The following CPLX2 variants were observed in gnomAD, a reference collection of about 807,000 sequenced individuals.
The protein encoded by CPLX2 is complexin 2, also known as complexin-2.
Under a neutral mutation model 16.3 loss-of-function variants are expected in CPLX2, and 5 were observed. The observed-to-expected ratio is 0.31, with a 90% CI of 0.16 to 0.64. The LOEUF (loss-of-function observed/expected upper bound fraction) is 0.64. Among genes scored for constraint, CPLX2 ranks in the 30% least tolerant of loss-of-function variants. The pLI is 0.79. For synonymous variants in CPLX2, 89 were observed against 73.2 expected (o/e 1.22, Z -1.10); for missense variants, 144 against 181.4 (o/e 0.79, Z 1.18).
Position 175,881,207 on chromosome 5 carries a change from T to C in CPLX2, c.*1162T>C, listed in dbSNP as rs1279448977. ...GGAAACTGTATCCATGCATGCATGA[T>C]AATGCGTGGCAGAGACTGCAACAGG... On this transcript the variant is annotated 3_prime_UTR_variant, in exon 4 of 4. Transcript: ENST00000393745. The C allele has an allele frequency of 2.0e-5, 3 of 153,388 alleles. No individual in the cohort carries two copies. The highest frequency in any genetic ancestry group is 1.9e-4 in the East Asian group (1 of 5,182). The allele number at this position is 153,388 out of a possible 1,614,324, so 9.5% of individuals were successfully genotyped here. A position where few individuals can be genotyped will look rare whatever the true frequency, so the allele number is the denominator to read the frequency against.
At chr5:175,826,183 G>A (rs1221111471) in intron 2 of CPLX2, among the ~76,000 whole-genome samples, 4 of 152,088 alleles carry the variant, frequency 2.6e-5, no homozygotes, top group Non-Finnish European at 5.9e-5. Context: ...GACTGAGTGG[G>A]TAGGATAGTA....
chr5:175,872,844 A>G lies in CPLX2; in HGVS notation c.-89+1139A>G, dbSNP rs1361477559. 1.3e-5 allele frequency: 2 copies of G among 152,328 alleles called. No homozygotes were observed. Among genetic ancestry groups the G allele is most frequent in the Non-Finnish European group, 2.9e-5 (2 of 68,136 alleles). 9.4% of individuals were successfully genotyped at this position (152,328 alleles called of 1,614,324 possible). On this transcript the variant is annotated intron_variant, in intron 1 of 3. Coordinates refer to ENST00000393745, the MANE Select transcript of CPLX2 (RefSeq NM_001008220.2). This position sits in a 1 kb window ranked among gnomAD's most constrained non-coding sequence, Gnocchi z 5.0. The stretch of plus-strand genomic sequence containing the variant: ...TCATAAAAACAGAAAAACGGCCATA[A>G]GGACAACCACTGCAGGTTACCCGAG...
At chr5:175,875,289 G>A (rs549781758) in intron 1 of CPLX2, among the ~76,000 whole-genome samples, 21 of 152,168 alleles carry the variant, frequency 1.4e-4, no homozygotes, top group Non-Finnish European at 2.6e-4. Context: ...GATGGAAGAT[G>A]TGAGGAAGAG....
At chr5:175,879,423 G>A (rs1165866248) in intron 3 of CPLX2, among the ~76,000 whole-genome samples, 1 of 152,200 alleles carries the variant, frequency 6.6e-6, no homozygotes, top group Non-Finnish European at 1.5e-5. Context: ...TGTGCTGTCA[G>A]CTGTCACTCC....
chr5:175,810,301 GA>G (rs1758288939), intron 2 of CPLX2, among the ~76,000 whole-genome samples: 1 of 108,382 alleles, frequency 9.2e-6, no homozygotes, highest in Non-Finnish European at 2.4e-5. Context: ...GTGTCACACA[GA>G]GAGTCGGGGA....
At chr5:175,879,712 CCCCA>C in intron 3 of CPLX2, 132 bp from the exon 4 acceptor site, 1 of 797,768 alleles carries the variant, frequency 1.3e-6, no homozygotes, top group Non-Finnish European at 2.2e-6. Flanking sequence ...ACACCCTTAT[CCCCA>C]CTTTACTAAT....
At chr5:175,863,895 G>A (rs1759415424) in intron 2 of CPLX2, among the ~76,000 whole-genome samples, 1 of 152,162 alleles carries the variant, frequency 6.6e-6, no homozygotes, top group African/African-American at 2.4e-5. Context: ...GTAAAAAGAA[G>A]AAGAACCATC....
At position 175,880,341 on chromosome 5, in the gene CPLX2, CAT is replaced by C; in HGVS notation, c.*297_*298del. On this transcript the variant is annotated 3_prime_UTR_variant, in exon 4 of 4. Transcript: ENST00000393745. ...TCGTGCTAGTGTGGTGACCCCCATA[CAT>C]TCCTCCCTGCTCCCCACTGCCAGGA... 2.2e-6 allele frequency: 1 copy of C among 458,750 alleles called. No individual in the cohort carries two copies. The highest frequency in any genetic ancestry group is 4.1e-6 in the Non-Finnish European group (1 of 246,574). The allele number at this position is 458,750 out of a possible 1,614,324, so 28.4% of individuals were successfully genotyped here.
chr5:175,846,638 G>A (rs1051897317), intron 2 of CPLX2, among the ~76,000 whole-genome samples: 4 of 152,132 alleles, frequency 2.6e-5, no homozygotes, highest in Non-Finnish European at 5.9e-5. Context: ...CAAGTTGTCC[G>A]AGCTAGCAGG....
At chr5:175,805,883 C>T (rs1419113656) in intron 1 of CPLX2, among the ~76,000 whole-genome samples, 1 of 152,192 alleles carries the variant, frequency 6.6e-6, no homozygotes, top group Admixed American at 6.5e-5. Context: ...CACCGCTACA[C>T]ACACACCCAA....
chr5:175,877,587 C>T (rs1424130466), intron 1 of CPLX2, among the ~76,000 whole-genome samples: 1 of 152,160 alleles, frequency 6.6e-6, no homozygotes, highest in African/African-American at 2.4e-5. Flanking sequence ...CGGATGTCCC[C>T]TCTACACTTG....
chr5:175,874,407 C>G (rs1759710194), intron 1 of CPLX2, among the ~76,000 whole-genome samples: 1 of 152,212 alleles, frequency 6.6e-6, no homozygotes, highest in Admixed American at 6.5e-5. Context: ...CCCAGCCCAA[C>G]TGAATGCTGT....
At chr5:175,867,332 C>T (rs1017475011), upstream of CPLX2, among the ~76,000 whole-genome samples, 1 of 152,152 alleles carries the variant, frequency 6.6e-6, no homozygotes, top group Non-Finnish European at 1.5e-5. Flanking sequence ...ACACTCATAT[C>T]TGCAGCCTTA....
intron 2 of CPLX2, among the ~76,000 whole-genome samples, chr5:175,811,652 A>T (rs1758314677): frequency 6.6e-6 from 1 of 151,912 alleles, no homozygotes; most frequent in Non-Finnish European, 1.5e-5. Context: ...GCTTCCTGAA[A>T]CTTGGACTTA....
upstream of CPLX2, among the ~76,000 whole-genome samples, chr5:175,871,308 C>G (rs966596568): frequency 7.1e-5 from 8 of 113,426 alleles, no homozygotes; most frequent in Non-Finnish European, 1.4e-4. Context: ...GGGAGGGGAG[C>G]GAGAAAAGAG....
At chr5:175,870,517 C>A (rs1263654098), upstream of CPLX2, among the ~76,000 whole-genome samples, 6 of 152,158 alleles carry the variant, frequency 3.9e-5, no homozygotes, top group Non-Finnish European at 5.9e-5. Flanking sequence ...TTGTGCAAGG[C>A]CCCTCCTCTC....
chr5:175,830,043 C>G lies in CPLX2; in HGVS notation c.-89+20975C>G, dbSNP rs1320901270. On this transcript the variant is annotated intron_variant, in intron 2 of 4. Coordinates refer to the CPLX2 transcript ENST00000359546. The surrounding 1 kb of genome is among the most constrained non-coding windows in gnomAD (Gnocchi z 4.0). The stretch of plus-strand genomic sequence containing the variant: ...GTCACAGGTCACTGCCTAGCGGTCT[C>G]TCTCATCCACCAGCGTGGCTGCGGC... 1.3e-5 allele frequency among the ~76,000 whole-genome samples: 2 copies of G among 152,254 alleles called. No homozygotes were observed. Among genetic ancestry groups the G allele is most frequent in the African/African-American group, 4.8e-5 (2 of 41,474 alleles).
chr5:175,873,196 G>T (rs1759676126), intron 1 of CPLX2, among the ~76,000 whole-genome samples: 1 of 150,950 alleles, frequency 6.6e-6, no homozygotes, highest in South Asian at 2.1e-4. Context: ...TGGCGGCCTG[G>T]CCCAAATCCT....
At chr5:175,873,708 T>C (rs546228124) in intron 1 of CPLX2, among the ~76,000 whole-genome samples, 1 of 152,320 alleles carries the variant, frequency 6.6e-6, no homozygotes, top group African/African-American at 2.4e-5. Context: ...ACTGCGATGA[T>C]GTTAGATAAT....
Sources: allele counts gnomAD v4.1 joint callset (sites outside exome capture counted in the v4.1 genomes callset), GRCh38; gene constraint gnomAD v4.1.1; non-coding constraint Gnocchi (gnomAD v3.1); transcripts MANE v1.5; gene names NCBI Gene and HGNC (gene_info 2026-07-23, HGNC 2026-07-21).